Variants in FANCD2OS observed in about 807,000 individuals in gnomAD.
FANCD2OS encodes the protein FANCD2 opposite strand protein.
FANCD2OS carries 11 observed loss-of-function variants against 13.2 expected under a neutral mutation model. The observed-to-expected ratio is 0.83, with a 90% CI of 0.52 to 1.38. The LOEUF (loss-of-function observed/expected upper bound fraction) is 1.38, where lower values mean the gene tolerates loss of function less well. Ranked by LOEUF, FANCD2OS falls within the 40% of genes most tolerant of loss-of-function variation. The pLI is 0.00. For missense variants in FANCD2OS, 217 were observed against 213.9 expected, an observed-to-expected ratio of 1.01 and a Z score of -0.09; for synonymous variants, 69 against 84.5, an observed-to-expected ratio of 0.82 and a Z score of 1.01.
intron 2 of FANCD2OS, among the ~76,000 whole-genome samples, chr3:10,085,582 G>A (rs1694141401): frequency 6.6e-6 from 1 of 151,770 alleles, no homozygotes; most frequent in Admixed American, 6.6e-5. Context: ...AGTAGAGACG[G>A]GATTTCACCG....
At chr3:10,082,560 C>T (rs1693909696) in intron 2 of FANCD2OS, among the ~76,000 whole-genome samples, 1 of 152,156 alleles carries the variant, frequency 6.6e-6, no homozygotes, top group Non-Finnish European at 1.5e-5. Context: ...TATACTCTGC[C>T]TCCAGCCTCA....
In FANCD2OS at chr3:10,104,073, T is replaced by C. The variant is rs1695399941; in HGVS notation, c.*168A>G. The C allele has an allele frequency of 3.2e-6, 2 of 627,276 alleles. No individual in the cohort carries two copies. The highest frequency in any genetic ancestry group is 5.4e-6 in the Non-Finnish European group (2 of 370,274). The allele number at this position is 627,276 out of a possible 1,614,324, so 38.9% of individuals were successfully genotyped here. A position where few individuals can be genotyped will look rare whatever the true frequency, so the allele number is the denominator to read the frequency against. On this transcript the variant is annotated 3_prime_UTR_variant, in exon 2 of 2. Transcript: ENST00000450660. The stretch of plus-strand genomic sequence containing the variant: ...TTCCTTGTTCTCTATCATTGGTCCT[T>C]TTTTGGAGGGGAAGGGATGAAAGGG...
intron 2 of FANCD2OS, chr3:10,088,538 C>T (rs1447644971): frequency 6.3e-7 from 1 of 1,595,710 alleles, no homozygotes; most frequent in South Asian, 1.1e-5. Flanking sequence ...CCATGCTCTG[C>T]TCTGGTGAGA....
chr3:10,093,257 C>G, intron 2 of FANCD2OS: 1 of 1,605,448 alleles, frequency 6.2e-7, no homozygotes, highest in Non-Finnish European at 8.5e-7. Context: ...AGATCTCAGC[C>G]TTGGTTTCTT....
intron 1 of FANCD2OS, among the ~76,000 whole-genome samples, chr3:10,107,057 C>G (rs1387606949): frequency 6.6e-6 from 1 of 152,082 alleles, no homozygotes; most frequent in Admixed American, 6.5e-5. Flanking sequence ...AATATCTGGG[C>G]TGCCTTAGAA....
chr3:10,101,380 T>A, downstream of FANCD2OS: 2 of 329,358 alleles, frequency 6.1e-6, no homozygotes, highest in Non-Finnish European at 5.5e-6. Context: ...TGTTCCTCTT[T>A]TTTTTTTTTT....
chr3:10,104,197 C>G lies in FANCD2OS; in HGVS notation c.*44G>C, dbSNP rs1312024034. 6.6e-7 allele frequency: 1 copy of G among 1,520,542 alleles called. No homozygotes were observed. The highest frequency in any genetic ancestry group is 2.3e-5 in the East Asian group (1 of 44,270). 94.2% of individuals were successfully genotyped at this position (1,520,542 alleles called of 1,614,324 possible). A position where few individuals can be genotyped will look rare whatever the true frequency, so the allele number is the denominator to read the frequency against. On this transcript the variant is annotated 3_prime_UTR_variant, in exon 2 of 2. Coordinates refer to ENST00000450660, the MANE Select transcript of FANCD2OS (RefSeq NM_001164839.2). ...GGTTTCTGTAAGCTTTAGGTACATA[C>G]CAAAGGGCATGGTGTGAGTAAATGG...
chr3:10,085,030 A>G (rs555417460), intron 2 of FANCD2OS, among the ~76,000 whole-genome samples: 1 of 152,358 alleles, frequency 6.6e-6, no homozygotes, highest in South Asian at 2.1e-4. Context: ...GGACAATATG[A>G]AAGGTAATCC....
chr3:10,095,848 G>A (rs1694921216), intron 2 of FANCD2OS, among the ~76,000 whole-genome samples: 2 of 150,138 alleles, frequency 1.3e-5, no homozygotes. Flanking sequence ...TTCCTCCTCT[G>A]GTTCTAAATT....
chr3:10,091,227 C>G (rs1197613081), intron 2 of FANCD2OS, among the ~76,000 whole-genome samples: 1 of 150,262 alleles, frequency 6.7e-6, no homozygotes, highest in African/African-American at 2.5e-5. Context: ...ACCACAGGTG[C>G]ACGCCACCAT....
intron 2 of FANCD2OS, chr3:10,096,473 G>A (rs2125095682): frequency 1.2e-6 from 2 of 1,613,960 alleles, no homozygotes; most frequent in East Asian, 2.2e-5. Context: ...GGACTTGCAG[G>A]TAAGCCTTGG....
At chr3:10,087,328 A>G (rs2125073616) in intron 2 of FANCD2OS, 1 of 1,495,716 alleles carries the variant, frequency 6.7e-7, no homozygotes, top group Admixed American at 2.0e-5. Flanking sequence ...TCTCACACTT[A>G]CAAACTTTGG....
chr3:10,084,834 T>C (rs1432078940), intron 2 of FANCD2OS, among the ~76,000 whole-genome samples: 1 of 152,192 alleles, frequency 6.6e-6, no homozygotes, highest in Non-Finnish European at 1.5e-5. Flanking sequence ...AGGGAAGCCA[T>C]TTTGGAGTTT....
rs915718277 is a variant in FANCD2OS at position 10,084,396 on chromosome 3, C to T, written c.*44-2865G>A. Among the ~76,000 whole-genome samples, 17 of 151,482 alleles carry T rather than the reference C, an allele frequency of 1.1e-4. No individual in the cohort carries two copies. In the East Asian group the frequency reaches 3.1e-3, roughly 28 times the overall value. ...AACCTCTGACTCCCAGGCTATAAATCCTCCCACCTCAGCCTCCCAAGCAGT... is the reference window on the plus strand; with the variant it reads ...AACCTCTGACTCCCAGGCTATAAATTCTCCCACCTCAGCCTCCCAAGCAGT... On this transcript the variant is annotated intron_variant, in intron 2 of 2. Coordinates refer to the FANCD2OS transcript ENST00000524279.
chr3:10,089,928 G>T (rs1379707100), intron 2 of FANCD2OS, among the ~76,000 whole-genome samples: 2 of 152,166 alleles, frequency 1.3e-5, no homozygotes, highest in Non-Finnish European at 2.9e-5. Context: ...ATTCTGTGAG[G>T]TTGGTATCAT....
intron 2 of FANCD2OS, chr3:10,092,358 G>A: frequency 1.1e-6 from 1 of 872,458 alleles, no homozygotes; most frequent in East Asian, 2.4e-5. Flanking sequence ...TCTTCCTTGG[G>A]GCCTGCTCTC....
chr3:10,082,017 T>C (rs1432684195), intron 2 of FANCD2OS, among the ~76,000 whole-genome samples: 2 of 152,224 alleles, frequency 1.3e-5, no homozygotes, highest in African/African-American at 4.8e-5. Context: ...AGCTTAAATT[T>C]AGCCAAAATT....
At chr3:10,095,878 A>ATTTTTTTTTT (rs397950663) in intron 2 of FANCD2OS, among the ~76,000 whole-genome samples, 3 of 125,774 alleles carry the variant, frequency 2.4e-5, no homozygotes, top group Non-Finnish European at 3.3e-5. Flanking sequence ...CTGAACAGTG[A>ATTTTTTTTTT]TTTTTTTTTT....
At position 10,085,373 on chromosome 3, in the gene FANCD2OS, ATTCTTTT is replaced by A. The variant is rs202213490; in HGVS notation, c.*44-3849_*44-3843del. On this transcript the variant is annotated intron_variant, in intron 2 of 2. Coordinates refer to the FANCD2OS transcript ENST00000524279. ...TGGTACTTCAGTACTTTCCATTTCA[ATTCTTTT>A]TTCTTTTTTCTTTCTTTTTTTTTTT... is the stretch of plus-strand genomic sequence containing the variant. Among the ~76,000 whole-genome samples the A allele has an allele frequency of 2.9e-3, 431 of 150,986 alleles. 10 individuals are homozygous for A. In the East Asian group the frequency reaches 0.051, roughly 18 times the overall value.
Sources: allele counts gnomAD v4.1 joint callset (sites outside exome capture counted in the v4.1 genomes callset), GRCh38; gene constraint gnomAD v4.1.1; transcripts MANE v1.5; gene names NCBI Gene and HGNC (gene_info 2026-07-23, HGNC 2026-07-21).